Variants in MARCHF3 observed in about 807,000 individuals in gnomAD.
The protein encoded by MARCHF3 is membrane associated ring-CH-type finger 3.
A neutral mutation model predicts 24.2 loss-of-function variants in MARCHF3; 13 were observed. The observed-to-expected ratio is 0.54, with a 90% CI of 0.35 to 0.85. MARCHF3 has a LOEUF of 0.85. Ranked by LOEUF, MARCHF3 falls within the 40% of genes least tolerant of loss-of-function variation. MARCHF3 has a pLI of 0.01. For missense variants in MARCHF3, 276 were observed against 325.0 expected (o/e 0.85, Z 1.16); for synonymous variants, 144 against 137.3 (o/e 1.05, Z -0.34).
chr5:126,948,875 G>C (rs982041594), intron 1 of MARCHF3, among the ~76,000 whole-genome samples: 3 of 152,310 alleles, frequency 2.0e-5, no homozygotes, highest in South Asian at 2.1e-4. Context: ...GTGAAAGCAG[G>C]CTCCTTGGAT....
chr5:127,020,306 A>C (rs1752753498), intron 1 of MARCHF3, among the ~76,000 whole-genome samples: 1 of 152,260 alleles, frequency 6.6e-6, no homozygotes, highest in South Asian at 2.1e-4. Context: ...GGAAGCAAAA[A>C]CAGCTTCACA....
chr5:126,868,783 C>T lies in MARCHF3; in HGVS notation c.*1850G>A, dbSNP rs1752851972. The T allele has an allele frequency of 6.6e-6, 1 of 152,192 alleles. No individual in the cohort carries two copies. The highest frequency in any genetic ancestry group is 1.5e-5 in the Non-Finnish European group (1 of 68,052). 9.4% of individuals were successfully genotyped at this position (152,192 alleles called of 1,614,324 possible). A position where few individuals can be genotyped will look rare whatever the true frequency, so the allele number is the denominator to read the frequency against. ...AGTATATTACAGGGCTGCAATTCAC[C>T]AGCTACCAAGTTGGACTCTTTGCTC... is the stretch of plus-strand genomic sequence containing the variant. On this transcript the variant is annotated 3_prime_UTR_variant, in exon 5 of 5. Transcript: ENST00000308660.
chr5:126,958,282 T>A (rs1750515269), intron 1 of MARCHF3, among the ~76,000 whole-genome samples: 1 of 152,164 alleles, frequency 6.6e-6, no homozygotes, highest in African/African-American at 2.4e-5. Flanking sequence ...TTTTACATTT[T>A]AATAAGGTTA....
At chr5:126,973,769 T>C (rs999734234) in intron 1 of MARCHF3, among the ~76,000 whole-genome samples, 1 of 152,254 alleles carries the variant, frequency 6.6e-6, no homozygotes, top group Non-Finnish European at 1.5e-5. Flanking sequence ...ACCATCCAAA[T>C]TGCCTAAGGT....
chr5:126,940,470 C>CA (rs1382790191), intron 1 of MARCHF3, among the ~76,000 whole-genome samples: 2 of 151,862 alleles, frequency 1.3e-5, no homozygotes, highest in Non-Finnish European at 2.9e-5. Flanking sequence ...TTTTTTGAGA[C>CA]AGAGTTTTGC....
rs1279179629 is a variant in MARCHF3 at position 127,003,245 on chromosome 5, C to T, written c.-57+27105G>A. ...TTGTAATCCCAGCACTTTGGGAGGC[C>T]GAGGCGGGCGGAACACGAGGTCAGG... On this transcript the variant is annotated intron_variant, in intron 1 of 4. Transcript: ENST00000308660. 1.3e-5 allele frequency among the ~76,000 whole-genome samples: 2 copies of T among 151,690 alleles called. 1 individual carries two copies. Among genetic ancestry groups the T allele is most frequent in the Non-Finnish European group, 2.9e-5 (2 of 67,912 alleles).
At chr5:126,986,036 C>A (rs73786260) in intron 1 of MARCHF3, among the ~76,000 whole-genome samples, 7,837 of 152,272 alleles carry the variant, frequency 0.051, 375 homozygotes, top group South Asian at 0.14. Context: ...GCAAGCATAT[C>A]TAACAGTACT....
At chr5:126,916,382 C>T (rs891547836) in intron 2 of MARCHF3, among the ~76,000 whole-genome samples, 1 of 152,144 alleles carries the variant, frequency 6.6e-6, no homozygotes. Flanking sequence ...GCCCATTCAT[C>T]CTCCTGAACA....
At chr5:126,926,178 C>A (rs1196288607) in intron 1 of MARCHF3, among the ~76,000 whole-genome samples, 2 of 152,180 alleles carry the variant, frequency 1.3e-5, no homozygotes, top group Non-Finnish European at 2.9e-5. Context: ...TTAACCCAAG[C>A]CTCCAGAAGC....
At chr5:126,919,731 G>A (rs577514745) in intron 1 of MARCHF3, among the ~76,000 whole-genome samples, 20 of 152,200 alleles carry the variant, frequency 1.3e-4, no homozygotes, top group Non-Finnish European at 2.5e-4. Context: ...ATCATCGGAC[G>A]TGATTGTCAT....
chr5:126,939,241 A>T lies in MARCHF3; in HGVS notation c.-56-21014T>A, dbSNP rs116898466. 1.8e-4 allele frequency among the ~76,000 whole-genome samples: 28 copies of T among 152,266 alleles called. 1 individual carries two copies. In the East Asian group the frequency reaches 5.4e-3, roughly 29 times the overall value. ...ACCCCCTTGAGTATGCCTTCCCTAG[A>T]TATGAAAAGGTTAGGCTCAACATCT... On this transcript the variant is annotated intron_variant, in intron 1 of 4. Transcript: ENST00000308660.
At chr5:126,943,012 G>A (rs995053906) in intron 1 of MARCHF3, among the ~76,000 whole-genome samples, 2 of 152,216 alleles carry the variant, frequency 1.3e-5, no homozygotes, top group Non-Finnish European at 1.5e-5. Context: ...AAGGCCAGGT[G>A]CAGTGGCTCA....
chr5:126,900,451 T>C (rs1331904812), intron 3 of MARCHF3, among the ~76,000 whole-genome samples: 1 of 152,024 alleles, frequency 6.6e-6, no homozygotes, highest in African/African-American at 2.4e-5. Flanking sequence ...GAACTAGCTC[T>C]TCCCGTCTAC....
At chr5:127,013,953 A>T (rs1177808942) in intron 1 of MARCHF3, among the ~76,000 whole-genome samples, 1 of 152,212 alleles carries the variant, frequency 6.6e-6, no homozygotes, top group Non-Finnish European at 1.5e-5. Flanking sequence ...AACAACTGGA[A>T]GAAAACATAG....
intron 1 of MARCHF3, among the ~76,000 whole-genome samples, chr5:126,959,946 T>A (rs1329868322): frequency 1.3e-5 from 2 of 152,136 alleles, no homozygotes; most frequent in African/African-American, 4.8e-5. Flanking sequence ...AGGCACTCAG[T>A]TATGCTCTAA....
chr5:127,018,761 C>G (rs777720130), intron 1 of MARCHF3, among the ~76,000 whole-genome samples: 1 of 152,174 alleles, frequency 6.6e-6, no homozygotes, highest in African/African-American at 2.4e-5. Context: ...CCATGGTAGT[C>G]TTGGGATTGT....
intron 4 of MARCHF3, 96 bp downstream of exon 4, chr5:126,878,089 C>T (rs1753225454): frequency 2.5e-6 from 3 of 1,189,340 alleles, no homozygotes; most frequent in African/African-American, 3.0e-5. Context: ...TTCTACCGGG[C>T]AGGTGAGATG....
At chr5:127,006,186 C>T (rs1752307328) in intron 1 of MARCHF3, among the ~76,000 whole-genome samples, 1 of 137,420 alleles carries the variant, frequency 7.3e-6, no homozygotes, top group Non-Finnish European at 1.5e-5. Context: ...CTGGGAGACA[C>T]AGTGAGGCTC....
intron 1 of MARCHF3, among the ~76,000 whole-genome samples, chr5:126,956,662 A>AAAC (rs1750455082): frequency 7.1e-6 from 1 of 140,348 alleles, no homozygotes; most frequent in East Asian, 3.2e-4. Context: ...AAAAAAAAAA[A>AAAC]AAAAAAAAAC....
Sources: gnomAD v4.1 joint callset for allele counts (sites outside exome capture counted in the v4.1 genomes callset) on GRCh38, gnomAD v4.1.1 for gene constraint, MANE v1.5 for transcripts, NCBI Gene and HGNC (gene_info 2026-07-23, HGNC 2026-07-21) for gene names.